Variants in GPR39 observed in about 807,000 individuals in gnomAD.
GPR39 encodes G protein-coupled receptor 39, also known as zinc sensing receptor.
A neutral mutation model predicts 18.4 loss-of-function variants in GPR39; 23 were observed. The ratio of observed to expected loss-of-function variants is 1.25; its 90% CI spans 0.90 to 1.77. The LOEUF (loss-of-function observed/expected upper bound fraction) is 1.77, where lower values mean the gene tolerates loss of function less well. Ranked by LOEUF, GPR39 falls within the 40% of genes most tolerant of loss-of-function variation. The probability of loss-of-function intolerance (pLI) is 0.00; values close to 1 mark genes in which losing one functional copy is unlikely to be tolerated. For missense variants in GPR39, 647 were observed against 602.4 expected (o/e 1.07, Z -0.78); for synonymous variants, 280 against 257.9 (o/e 1.09, Z -0.82).
chr2:132,505,623 G>C (rs767211413), intron 1 of GPR39, among the ~76,000 whole-genome samples: 1 of 152,082 alleles, frequency 6.6e-6, no homozygotes, highest in Non-Finnish European at 1.5e-5. Context: ...CACCTTGATA[G>C]CTCCTGCAAA....
At chr2:132,477,960 A>C (rs944973313) in intron 1 of GPR39, among the ~76,000 whole-genome samples, 1 of 152,254 alleles carries the variant, frequency 6.6e-6, no homozygotes, top group Non-Finnish European at 1.5e-5. Context: ...CTAGAAATTT[A>C]CTAATTTAAA....
chr2:132,518,800 A>T (rs1179859370), intron 1 of GPR39, among the ~76,000 whole-genome samples: 6 of 152,260 alleles, frequency 3.9e-5, no homozygotes, highest in Non-Finnish European at 7.3e-5. Context: ...TGTAAACAAT[A>T]TAAAAATATT....
intron 1 of GPR39, among the ~76,000 whole-genome samples, chr2:132,439,856 A>G (rs1680402003): frequency 6.6e-6 from 1 of 152,102 alleles, no homozygotes; most frequent in Non-Finnish European, 1.5e-5. Flanking sequence ...TTGTTTTTTA[A>G]AGAATTTGAA....
In GPR39 at chr2:132,646,213, G is replaced by T. The variant is rs778294351; in HGVS notation, c.*607G>T. On this transcript the variant is annotated 3_prime_UTR_variant, in exon 2 of 2. Transcript: ENST00000329321. ...AGTTCAGTTTCCCTGGGGAGCAGAA[G>T]GACTGGTACCCGGCAGAGGCGATGA... 6.2e-7 allele frequency: 1 copy of T among 1,604,784 alleles called. No individual in the cohort carries two copies. The highest frequency in any genetic ancestry group is 1.3e-5 in the African/African-American group (1 of 74,730).
intron 1 of GPR39, among the ~76,000 whole-genome samples, chr2:132,562,358 A>T (rs1055369653): frequency 6.6e-6 from 1 of 152,182 alleles, no homozygotes; most frequent in Non-Finnish European, 1.5e-5. Flanking sequence ...TTGGCATGTT[A>T]TACAAGCCTT....
At chr2:132,632,160 C>T (rs1681661771) in intron 1 of GPR39, among the ~76,000 whole-genome samples, 1 of 152,084 alleles carries the variant, frequency 6.6e-6, no homozygotes, top group Admixed American at 6.6e-5. Context: ...AGGACTGTTT[C>T]CAGGCCTGGC....
intron 1 of GPR39, among the ~76,000 whole-genome samples, chr2:132,623,202 C>T (rs1401231795): frequency 6.6e-6 from 1 of 152,172 alleles, no homozygotes; most frequent in Non-Finnish European, 1.5e-5. Flanking sequence ...AAAGTCAGAG[C>T]TCAGTCCTCA....
intron 1 of GPR39, among the ~76,000 whole-genome samples, chr2:132,620,220 C>A (rs1282860157): frequency 6.6e-6 from 1 of 152,182 alleles, no homozygotes; most frequent in East Asian, 1.9e-4. Context: ...AATACCCAGG[C>A]AGTTCCCTCC....
chr2:132,495,513 C>T (rs10928421), intron 1 of GPR39, among the ~76,000 whole-genome samples: 145,388 of 152,202 alleles, frequency 0.96, 69,835 homozygotes, highest in East Asian at 1. Flanking sequence ...GCTTTTCAGA[C>T]AAGTGCATTC....
intron 1 of GPR39, among the ~76,000 whole-genome samples, chr2:132,635,738 A>G (rs1681741546): frequency 6.6e-6 from 1 of 152,180 alleles, no homozygotes. Flanking sequence ...TTGAAGCCCT[A>G]ACCCCAAATC....
chr2:132,417,081 A>G lies in GPR39; in HGVS notation c.39A>G (p.Gln13=). The G allele has an allele frequency of 6.2e-7, 1 of 1,614,044 alleles. No homozygotes were observed. Among genetic ancestry groups the G allele is most frequent in the Non-Finnish European group, 8.5e-7 (1 of 1,179,998 alleles). The change falls in exon 1 of 2, where the codon CAA becomes CAG. Residue 13 remains glutamine (Q), a synonymous_variant. Transcript: ENST00000329321. The part of the protein sequence containing the change: ...SPSLPGSDCS[Q]IIDHSHVPEF... ...GCCTCCCGGGCAGTGACTGCTCCCA[A>G]ATCATTGATCACAGTCATGTCCCCG... is the stretch of plus-strand genomic sequence containing the variant.
At chr2:132,622,938 C>G (rs1264363445) in intron 1 of GPR39, among the ~76,000 whole-genome samples, 1 of 152,068 alleles carries the variant, frequency 6.6e-6, no homozygotes, top group East Asian at 1.9e-4. Context: ...CTGGTGAAAC[C>G]CTGTCTGTAC....
At chr2:132,482,838 T>G (rs774601980) in intron 1 of GPR39, among the ~76,000 whole-genome samples, 15 of 152,240 alleles carry the variant, frequency 9.9e-5, no homozygotes, top group Non-Finnish European at 2.1e-4. Flanking sequence ...TTACCTTGTA[T>G]TAATAAATTG....
At position 132,417,313 on chromosome 2, in the gene GPR39, T is replaced by A. The variant is rs1234247548; in HGVS notation, c.271T>A (p.Phe91Ile). 1.2e-6 allele frequency: 2 copies of A among 1,613,856 alleles called. No individual in the cohort carries two copies. The highest frequency in any genetic ancestry group is 1.7e-6 in the Non-Finnish European group (2 of 1,179,958). Residue 91 changes from phenylalanine to isoleucine, a missense_variant, in exon 1 of 2, where the codon TTC becomes ATC. Physicochemically the swap from Phe to Ile is conservative, Grantham distance 21. Around this residue, in one of 3 missense-constraint regions of GPR39, gnomAD observed 581 missense variants for 506.8 expected, o/e 1.15. Transcript: ENST00000329321. ...GTTCCTCATCGGCATGCCCATGGAG[T>A]TCTACAGCATCATCTGGAATCCCCT... Reference protein sequence around the residue: ...LVFLIGMPMEFYSIIWNPLTT... With the variant: ...LVFLIGMPMEIYSIIWNPLTT...
At chr2:132,461,972 G>T (rs1680840975) in intron 1 of GPR39, among the ~76,000 whole-genome samples, 1 of 152,174 alleles carries the variant, frequency 6.6e-6, no homozygotes, top group Non-Finnish European at 1.5e-5. Context: ...CCATATTCAG[G>T]CTGGCTGAGG....
Position 132,451,001 on chromosome 2 carries a change from T to TGGAG in GPR39, c.856+33104_856+33105insGAGG, listed in dbSNP as rs1680621599. On this transcript the variant is annotated intron_variant, in intron 1 of 1. Coordinates refer to ENST00000329321, the MANE Select transcript of GPR39 (RefSeq NM_001508.3). ...GCTATGTCCAGTGCTCAAAGGTGGA[T>TGGAG]GCCAGAGGAAAAGGGCTGGTGGGAT... 5.3e-5 allele frequency among the ~76,000 whole-genome samples: 8 copies of TGGAG among 151,906 alleles called. No homozygotes were observed. The South Asian group carries it at 1.4e-3, about 27-fold the overall frequency.
chr2:132,581,135 T>TA (rs1680615619), intron 1 of GPR39, among the ~76,000 whole-genome samples: 1 of 151,986 alleles, frequency 6.6e-6, no homozygotes, highest in Non-Finnish European at 1.5e-5. Flanking sequence ...GCAAAGCAGT[T>TA]TTTATGAACT....
At chr2:132,619,824 GACACAGAC>G (rs1186764878) in intron 1 of GPR39, among the ~76,000 whole-genome samples, 33 of 127,332 alleles carry the variant, frequency 2.6e-4, no homozygotes, top group African/African-American at 9.7e-4. Flanking sequence ...CACAGACACA[GACACAGAC>G]ACACACACAC....
At chr2:132,534,160 C>A (rs1170245471) in intron 1 of GPR39, among the ~76,000 whole-genome samples, 5 of 152,090 alleles carry the variant, frequency 3.3e-5, no homozygotes, top group Non-Finnish European at 7.4e-5. Context: ...AAAACAACCC[C>A]ATCAAAAAGT....
Sources: gnomAD v4.1 joint callset for allele counts (sites outside exome capture counted in the v4.1 genomes callset) on GRCh38, gnomAD v4.1.1 for gene constraint, gnomAD v4.1.1 regional missense constraint, MANE v1.5 for transcripts, NCBI Gene and HGNC (gene_info 2026-07-23, HGNC 2026-07-21) for gene names.